Variants in HYDIN observed in about 807,000 individuals in gnomAD.
HYDIN encodes axonemal central pair apparatus protein HYDIN.
A neutral mutation model predicts 403.9 loss-of-function variants in HYDIN; 132 were observed. The observed-to-expected ratio is 0.33, with a 90% CI of 0.28 to 0.38. The LOEUF (loss-of-function observed/expected upper bound fraction) is 0.38. Ranked by LOEUF, HYDIN falls within the 10% of genes least tolerant of loss-of-function variation. HYDIN has a pLI of 1.00. For missense variants in HYDIN, 2,827 were observed against 5,009.5 expected (o/e 0.56, Z 13.15); for synonymous variants, 1,202 against 1,891.7 (o/e 0.64, Z 9.46).
chr16:70,859,108 T>C (rs568314698), intron 71 of HYDIN, among the ~76,000 whole-genome samples: 5 of 151,722 alleles, frequency 3.3e-5, no homozygotes, highest in African/African-American at 9.7e-5. Context: ...GAGACCATCC[T>C]GGCTAACACG....
At chr16:70,824,148 G>T (rs1235407048) in intron 83 of HYDIN, among the ~76,000 whole-genome samples, 1 of 150,218 alleles carries the variant, frequency 6.7e-6, no homozygotes, top group Admixed American at 6.6e-5. Context: ...TTTGAAAAAT[G>T]TTTGTTATTA....
In HYDIN at chr16:70,897,661, A is replaced by G. The variant is rs572501384; in HGVS notation, c.9049-1581T>C. 8.7e-3 allele frequency among the ~76,000 whole-genome samples: 1,285 copies of G among 148,324 alleles called. 17 individuals carry two copies. The highest frequency in any genetic ancestry group is 0.031 in the African/African-American group (1,175 of 38,076). On this transcript the variant is annotated intron_variant, in intron 53 of 85. Transcript: ENST00000393567. ...TGAATTTTGAATTGAGGAAAATAGG[A>G]AGGACAATTGAAGAGTTATACAGAT...
chr16:71,124,048 TCTCAAAAGACAAA>T (rs943994112), intron 9 of HYDIN, among the ~76,000 whole-genome samples: 6 of 151,206 alleles, frequency 4.0e-5, no homozygotes, highest in African/African-American at 1.5e-4. Flanking sequence ...CTCTGGGGTC[TCTCAAAAGACAAA>T]CTCCCACCTC....
chr16:71,178,051 T>C (rs2086742714), intron 4 of HYDIN, among the ~76,000 whole-genome samples: 1 of 152,298 alleles, frequency 6.6e-6, no homozygotes, highest in South Asian at 2.1e-4. Flanking sequence ...GAAAGGGACC[T>C]ACATTTTTTA....
chr16:70,824,804 T>A (rs2036487308), intron 83 of HYDIN, among the ~76,000 whole-genome samples: 1 of 152,134 alleles, frequency 6.6e-6, no homozygotes, highest in Admixed American at 6.5e-5. Flanking sequence ...AAAGTTTTAA[T>A]TTTGTATTTA....
intron 75 of HYDIN, 77 bp from the exon 76 acceptor site, chr16:70,840,310 A>T: frequency 1.6e-6 from 2 of 1,275,614 alleles, no homozygotes; most frequent in Admixed American, 4.0e-5. Flanking sequence ...CAGGTGAAGC[A>T]GGAAAGCAGT....
chr16:71,031,471 G>A (rs1326844219), intron 19 of HYDIN: 6 of 1,366,190 alleles, frequency 4.4e-6, no homozygotes, highest in South Asian at 1.8e-5. Context: ...AGAGGGACAC[G>A]GATTAGAGAA....
intron 67 of HYDIN, among the ~76,000 whole-genome samples, chr16:70,863,474 T>C (rs1332543247): frequency 2.6e-5 from 4 of 152,208 alleles, no homozygotes; most frequent in African/African-American, 9.6e-5. Flanking sequence ...ATGGCAGTAA[T>C]CCTAAACCCC....
At chr16:71,194,054 T>C (rs1448521264) in intron 1 of HYDIN, among the ~76,000 whole-genome samples, 7 of 152,176 alleles carry the variant, frequency 4.6e-5, no homozygotes, top group Non-Finnish European at 1.5e-5. Flanking sequence ...GTAGCCCAGA[T>C]CCTTTAACAC....
chr16:70,966,420 T>C (rs375855028), intron 36 of HYDIN, among the ~76,000 whole-genome samples: 1 of 142,960 alleles, frequency 7.0e-6, no homozygotes, highest in African/African-American at 2.6e-5. Flanking sequence ...CTATCAACAC[T>C]GGAAGTAAAG....
chr16:70,809,163 C>T (rs1196714859), intron 85 of HYDIN, among the ~76,000 whole-genome samples: 9 of 152,178 alleles, frequency 5.9e-5, no homozygotes, highest in Admixed American at 5.9e-4. Flanking sequence ...GATCTTCCCA[C>T]CTGAGCCTCC....
At position 70,879,464 on chromosome 16, in the gene HYDIN, G is replaced by T. The variant is rs766641142; in HGVS notation, c.10390C>A (p.Leu3464Ile). ...LPSTLAKSRG[L>I]VFDIAGEGNL... ...CCCTCACCAGCGATGTCAAACACGA[G>T]GCCTCGGCTCTTGGCCAGGGTGCTG... The change falls in exon 62 of 86, where the codon CTC (leucine) becomes ATC (isoleucine). Residue 3464 changes from leucine (L) to isoleucine (I), a missense_variant. By Grantham distance (5) the Leu-to-Ile change is conservative (BLOSUM62 2). Coordinates refer to ENST00000393567, the MANE Select transcript of HYDIN (RefSeq NM_001270974.2). The T allele has an allele frequency of 2.1e-5, 34 of 1,613,380 alleles. No individual in the cohort carries two copies. Among genetic ancestry groups the T allele is most frequent in the Non-Finnish European group, 2.9e-5 (34 of 1,179,710 alleles).
At chr16:71,070,413 G>C (rs575541686) in intron 13 of HYDIN, among the ~76,000 whole-genome samples, 51 of 150,438 alleles carry the variant, frequency 3.4e-4, no homozygotes, top group African/African-American at 1.2e-3. Context: ...CCACCTCCCA[G>C]GTTCAAGTGA....
At chr16:70,881,052 CCT>C (rs1403347821) in intron 60 of HYDIN, among the ~76,000 whole-genome samples, 1 of 144,298 alleles carries the variant, frequency 6.9e-6, no homozygotes, top group African/African-American at 2.8e-5. Flanking sequence ...ATGGTGAAAC[CCT>C]GTCTCTACAA....
At position 71,139,675 on chromosome 16, in the gene HYDIN, A is replaced by T. The variant is rs556635951; in HGVS notation, c.842-2323T>A. Among the ~76,000 whole-genome samples the T allele has an allele frequency of 7.1e-4, 108 of 152,148 alleles. 2 individuals are homozygous for T. The South Asian group carries it at 0.021, about 30-fold the overall frequency. On this transcript the variant is annotated intron_variant, in intron 7 of 85. Coordinates refer to ENST00000393567, the MANE Select transcript of HYDIN (RefSeq NM_001270974.2). ...ATGACAAATTAGTGAAATGGGAGGT[A>T]GTTCAGAAAACACAAAAGGCAATAT... is the stretch of plus-strand genomic sequence containing the variant.
chr16:70,880,440 A>G (rs1236898033), intron 60 of HYDIN, among the ~76,000 whole-genome samples: 3 of 150,444 alleles, frequency 2.0e-5, no homozygotes, highest in Admixed American at 6.6e-5. Context: ...GAGAGAATGG[A>G]GCAGTGGAAA....
chr16:71,043,849 G>A (rs1180892680), intron 18 of HYDIN, among the ~76,000 whole-genome samples: 2 of 151,506 alleles, frequency 1.3e-5, no homozygotes, highest in Non-Finnish European at 2.9e-5. Flanking sequence ...AGCACTTTGG[G>A]AGGCCAAGGT....
intron 6 of HYDIN, among the ~76,000 whole-genome samples, chr16:71,161,886 A>T (rs2086015127): frequency 6.6e-6 from 1 of 151,488 alleles, no homozygotes; most frequent in East Asian, 1.9e-4. Context: ...AACACCGATT[A>T]TACAGCACTT....
chr16:70,987,366 C>T (rs2079222547), intron 27 of HYDIN, among the ~76,000 whole-genome samples: 1 of 149,974 alleles, frequency 6.7e-6, no homozygotes, highest in South Asian at 2.1e-4. Flanking sequence ...TGGAAAATGT[C>T]GCTGGACTTA....
Sources: gnomAD v4.1 joint callset for allele counts (sites outside exome capture counted in the v4.1 genomes callset) on GRCh38, gnomAD v4.1.1 for gene constraint, MANE v1.5 for transcripts, NCBI Gene and HGNC (gene_info 2026-07-23, HGNC 2026-07-21) for gene names.